Variants in PDCD4 observed in about 807,000 individuals in gnomAD.
PDCD4 encodes the protein programmed cell death protein 4.
A neutral mutation model predicts 54.0 loss-of-function variants in PDCD4; 56 were observed. That is an observed-to-expected ratio of 1.04 (90% CI 0.84 to 1.30). The LOEUF (loss-of-function observed/expected upper bound fraction) is 1.30. Among genes scored for constraint, PDCD4 ranks in the 50% most tolerant of loss-of-function variants. PDCD4 has a pLI of 0.00. For missense variants in PDCD4, 584 were observed against 559.8 expected, an observed-to-expected ratio of 1.04 and a Z score of -0.44; for synonymous variants, 186 against 194.8, an observed-to-expected ratio of 0.95 and a Z score of 0.37.
At chr10:110,877,666 GC>G (rs1287909290) in intron 2 of PDCD4, among the ~76,000 whole-genome samples, 6 of 151,972 alleles carry the variant, frequency 3.9e-5, no homozygotes, top group African/African-American at 1.5e-4. Flanking sequence ...TGTTCTTGGT[GC>G]TTGTGTCCAG....
chr10:110,890,819 G>T, intron 8 of PDCD4, 149 bp downstream of exon 8: 1 of 438,086 alleles, frequency 2.3e-6, no homozygotes, highest in Non-Finnish European at 4.1e-6. Flanking sequence ...TTAATATGTG[G>T]CTTTATAACC....
At position 110,881,500 on chromosome 10, in the gene PDCD4, C is replaced by T; in HGVS notation, c.311C>T (p.Ser104Phe). 1 of 1,612,790 alleles carries T rather than the reference C, an allele frequency of 6.2e-7. No homozygotes were observed. ...SPKGRLLDRR[S>F]RSGKGRGLPK... ...AAGGGAAGGTTGCTGGATAGGCGAT[C>T]CAGATCTGGGAAAGGAAGGGGACTA... Residue 104 changes from serine (S) to phenylalanine (F), a missense_variant, in exon 3 of 12, where the codon TCC becomes TTC. Transcript: ENST00000280154.
At chr10:110,877,258 G>A (rs1487870865) in intron 2 of PDCD4, among the ~76,000 whole-genome samples, 1 of 152,110 alleles carries the variant, frequency 6.6e-6, no homozygotes, top group Non-Finnish European at 1.5e-5. Flanking sequence ...TTTCTGCACT[G>A]TCCAGTATGG....
intron 11 of PDCD4, among the ~76,000 whole-genome samples, chr10:110,897,086 A>C (rs1330358655): frequency 6.6e-6 from 1 of 152,200 alleles, no homozygotes. Flanking sequence ...GGTCTCATAC[A>C]GTCTGAAGCC....
At chr10:110,889,188 C>T (rs959997569) in intron 6 of PDCD4, among the ~76,000 whole-genome samples, 1 of 140,434 alleles carries the variant, frequency 7.1e-6, no homozygotes, top group South Asian at 2.2e-4. Flanking sequence ...TGCCACTGCA[C>T]TCCAGCCTGG....
In PDCD4 at chr10:110,876,138, C is replaced by G. The variant is rs571663756; in HGVS notation, c.43+68C>G. ...ACAGGATCTTGCTCTGTCACCCAGG[C>G]TGGAGTGCAGTGGTGTGATCATGGC... On this transcript the variant is annotated intron_variant, in intron 2 of 11. Coordinates refer to ENST00000280154, the MANE Select transcript of PDCD4 (RefSeq NM_014456.5). The G allele has an allele frequency of 3.4e-5, 45 of 1,319,674 alleles. No homozygotes were observed. In the East Asian group the frequency reaches 3.6e-4, roughly 11 times the overall value. The allele number at this position is 1,319,674 out of a possible 1,614,324, so 81.7% of individuals were successfully genotyped here.
chr10:110,875,308 C>A (rs1210904483), intron 1 of PDCD4, among the ~76,000 whole-genome samples: 1 of 151,982 alleles, frequency 6.6e-6, no homozygotes, highest in Non-Finnish European at 1.5e-5. Flanking sequence ...CTGAAATGAT[C>A]AGATTTTTAA....
chr10:110,881,173 T>G (rs1475282120), intron 2 of PDCD4, 60 bp from the exon 3 acceptor site: 24 of 1,250,544 alleles, frequency 1.9e-5, no homozygotes, highest in Non-Finnish European at 2.7e-5. Flanking sequence ...TACCACTATA[T>G]CTATAAAACA....
intron 1 of PDCD4, among the ~76,000 whole-genome samples, chr10:110,874,337 A>G (rs990020600): frequency 2.0e-5 from 3 of 152,244 alleles, no homozygotes; most frequent in African/African-American, 4.8e-5. Flanking sequence ...CAAGAATGAA[A>G]AAGACTTTGT....
chr10:110,891,406 C>CA (rs376743141), intron 8 of PDCD4, among the ~76,000 whole-genome samples: 15,750 of 68,568 alleles, frequency 0.23, 2,685 homozygotes, highest in East Asian at 0.29. Flanking sequence ...GACTCTGTCT[C>CA]AAAAAAAAAA....
At chr10:110,874,550 G>C (rs1027858541) in intron 1 of PDCD4, among the ~76,000 whole-genome samples, 2 of 151,678 alleles carry the variant, frequency 1.3e-5, no homozygotes, top group Admixed American at 1.3e-4. Flanking sequence ...TAAAGTTGGC[G>C]GGAGTTATAG....
At chr10:110,872,560 C>T (rs1845431406) in intron 1 of PDCD4, among the ~76,000 whole-genome samples, 4 of 152,190 alleles carry the variant, frequency 2.6e-5, no homozygotes, top group Admixed American at 2.6e-4. Flanking sequence ...GGGGCCGACC[C>T]GGGCTGGGAC....
intron 7 of PDCD4, 117 bp downstream of exon 7, chr10:110,889,747 A>G (rs1416708580): frequency 8.9e-6 from 6 of 671,296 alleles, no homozygotes; most frequent in Non-Finnish European, 1.6e-5. Context: ...TCACTTCTCT[A>G]TATTCTCCAC....
chr10:110,876,694 T>C, intron 2 of PDCD4: 1 of 1,260,414 alleles, frequency 7.9e-7, no homozygotes, highest in African/African-American at 1.5e-5. Context: ...TTCTCCATGG[T>C]GCTTCAATAG....
At chr10:110,887,057 A>T (rs1845679230) in intron 5 of PDCD4, among the ~76,000 whole-genome samples, 1 of 152,204 alleles carries the variant, frequency 6.6e-6, no homozygotes, top group South Asian at 2.1e-4. Flanking sequence ...TTAACTCCTA[A>T]TACCAATCTC....
rs1184412616 is a variant in PDCD4, at chr10:110,898,576, ATT to A, written c.*489_*490del. On this transcript the variant is annotated 3_prime_UTR_variant, in exon 12 of 12. Coordinates refer to ENST00000280154, the MANE Select transcript of PDCD4 (RefSeq NM_014456.5). Reference sequence around the variant, plus strand: ...CTTTGTCTTAAAGAATTTTTAAAAAATTAGTCATGAGACTTATTCATCTTTCC... The same window carrying A: ...CTTTGTCTTAAAGAATTTTTAAAAAAAGTCATGAGACTTATTCATCTTTCC... 6.5e-6 allele frequency: 1 copy of A among 152,700 alleles called. No homozygotes were observed. Among genetic ancestry groups the A allele is most frequent in the Non-Finnish European group, 1.5e-5 (1 of 68,064 alleles). 9.5% of individuals were successfully genotyped at this position (152,700 alleles called of 1,614,324 possible). A position where few individuals can be genotyped will look rare whatever the true frequency, so the allele number is the denominator to read the frequency against.
At chr10:110,883,480 C>G (rs1352671827) in intron 4 of PDCD4, among the ~76,000 whole-genome samples, 1 of 151,632 alleles carries the variant, frequency 6.6e-6, no homozygotes, top group African/African-American at 2.4e-5. Context: ...GCGCATCTTT[C>G]TTTTAGGGAT....
At chr10:110,876,407 C>T (rs770765182) in intron 2 of PDCD4, among the ~76,000 whole-genome samples, 18 of 152,176 alleles carry the variant, frequency 1.2e-4, no homozygotes, top group Non-Finnish European at 2.2e-4. Context: ...CTCTTTTATT[C>T]ATGCTGTAAG....
chr10:110,886,533 C>T (rs1845672364), intron 5 of PDCD4, among the ~76,000 whole-genome samples: 1 of 152,102 alleles, frequency 6.6e-6, no homozygotes, highest in Non-Finnish European at 1.5e-5. Context: ...TTTTGGCACT[C>T]TCTTAGTAGT....
Sources: allele counts gnomAD v4.1 joint callset (sites outside exome capture counted in the v4.1 genomes callset), GRCh38; gene constraint gnomAD v4.1.1; transcripts MANE v1.5; gene names NCBI Gene and HGNC (gene_info 2026-07-23, HGNC 2026-07-21).